The following VAV3 variants were observed in gnomAD, a reference collection of about 807,000 sequenced individuals.
VAV3 encodes the protein vav guanine nucleotide exchange factor 3.
VAV3 carries 94 observed loss-of-function variants against 131.2 expected under a neutral mutation model. The observed-to-expected ratio is 0.72, with a 90% CI of 0.61 to 0.85. The LOEUF is 0.85. VAV3 is among the 40% of genes least tolerant of loss of function. The pLI is 0.00. For missense variants in VAV3, 939 were observed against 1,002.7 expected (o/e 0.94, Z 0.86); for synonymous variants, 349 against 342.0 (o/e 1.02, Z -0.22).
At chr1:107,669,435 G>C in intron 19 of VAV3, 2 of 1,289,458 alleles carry the variant, frequency 1.6e-6, no homozygotes, top group Non-Finnish European at 2.0e-6. Flanking sequence ...TAGTAGCAGG[G>C]GCCATGGAAA....
At chr1:107,834,105 G>T (rs995228664) in intron 2 of VAV3, among the ~76,000 whole-genome samples, 2 of 152,152 alleles carry the variant, frequency 1.3e-5, no homozygotes, top group African/African-American at 4.8e-5. Flanking sequence ...TCAACAATTT[G>T]CTGTAAATAA....
chr1:107,669,555 C>T (rs1173227299), intron 19 of VAV3: 6 of 1,218,424 alleles, frequency 4.9e-6, no homozygotes, highest in Non-Finnish European at 5.2e-6. Flanking sequence ...CTTTGATACT[C>T]GGTAGCTGAT....
At chr1:107,729,266 T>C (rs1662068950) in intron 15 of VAV3, among the ~76,000 whole-genome samples, 1 of 152,194 alleles carries the variant, frequency 6.6e-6, no homozygotes, top group Admixed American at 6.5e-5. Flanking sequence ...ATATTATTAA[T>C]GTACTATCAG....
intron 24 of VAV3, among the ~76,000 whole-genome samples, chr1:107,599,981 A>C (rs1214316824): frequency 6.6e-6 from 1 of 151,936 alleles, no homozygotes; most frequent in Non-Finnish European, 1.5e-5. Flanking sequence ...AAACCTTCAC[A>C]CCAATTAATC....
At chr1:107,904,243 A>G (rs888617766) in intron 1 of VAV3, among the ~76,000 whole-genome samples, 1 of 152,190 alleles carries the variant, frequency 6.6e-6, no homozygotes, top group Non-Finnish European at 1.5e-5. Context: ...ATTTTGTTAA[A>G]GAATGCCATG....
intron 17 of VAV3, among the ~76,000 whole-genome samples, chr1:107,700,673 A>G (rs893093153): frequency 6.6e-5 from 10 of 152,154 alleles, no homozygotes; most frequent in African/African-American, 2.4e-4. Flanking sequence ...TGATATATGT[A>G]CCACATTTTC....
chr1:107,872,342 C>T (rs1473625924), intron 2 of VAV3, among the ~76,000 whole-genome samples: 1 of 152,140 alleles, frequency 6.6e-6, no homozygotes, highest in Non-Finnish European at 1.5e-5. Context: ...TTAATACATT[C>T]TTTGGCAAAA....
At chr1:107,710,330 T>C (rs1294508746) in intron 15 of VAV3, among the ~76,000 whole-genome samples, 1 of 152,152 alleles carries the variant, frequency 6.6e-6, no homozygotes, top group African/African-American at 2.4e-5. Flanking sequence ...GCATTGAAAG[T>C]AAAAGTAGGA....
At chr1:107,876,060 G>A (rs1009380861) in intron 1 of VAV3, among the ~76,000 whole-genome samples, 4 of 152,178 alleles carry the variant, frequency 2.6e-5, no homozygotes, top group Non-Finnish European at 5.9e-5. Context: ...CAGGAAAAGA[G>A]GAGGAGCTCA....
At chr1:107,726,594 C>T (rs1661857093) in intron 15 of VAV3, among the ~76,000 whole-genome samples, 1 of 152,200 alleles carries the variant, frequency 6.6e-6, no homozygotes, top group Non-Finnish European at 1.5e-5. Flanking sequence ...CTCTGGATCA[C>T]ACACTTTCTG....
At chr1:107,877,006 C>T (rs1670534328) in intron 1 of VAV3, among the ~76,000 whole-genome samples, 1 of 151,858 alleles carries the variant, frequency 6.6e-6, no homozygotes, top group African/African-American at 2.4e-5. Context: ...ACATTTGAAA[C>T]ATTTGGATTA....
intron 2 of VAV3, among the ~76,000 whole-genome samples, chr1:107,848,312 CAAAAAAA>C (rs34249858): frequency 2.2e-5 from 2 of 92,174 alleles, no homozygotes; most frequent in East Asian, 4.1e-4. Context: ...GACTCCGTCT[CAAAAAAA>C]AAAAAAAAAA....
At chr1:107,827,516 C>G (rs1048419285) in intron 2 of VAV3, among the ~76,000 whole-genome samples, 1 of 152,084 alleles carries the variant, frequency 6.6e-6, no homozygotes, top group African/African-American at 2.4e-5. Context: ...TTGATTGATA[C>G]AAGGAGAGAA....
In VAV3 at chr1:107,860,354, T is replaced by C. The variant is rs60440691; in HGVS notation, c.321+14547A>G. ...ATAGTAGATATATGAGCGGTGATTG[T>C]AGTAGTTTTCTAGGTTTTATATGTT... On this transcript the variant is annotated intron_variant, in intron 2 of 26. Transcript: ENST00000370056. 1.5e-3 allele frequency among the ~76,000 whole-genome samples: 229 copies of C among 151,980 alleles called. 2 individuals carry two copies. Among genetic ancestry groups the C allele is most frequent in the African/African-American group, 5.1e-3 (210 of 41,516 alleles).
intron 20 of VAV3, among the ~76,000 whole-genome samples, chr1:107,625,751 A>G (rs1653969253): frequency 6.6e-6 from 1 of 152,208 alleles, no homozygotes; most frequent in African/African-American, 2.4e-5. Flanking sequence ...AATTCAATAT[A>G]TGCTATAATT....
At chr1:107,916,901 G>T (rs2101136279) in intron 1 of VAV3, among the ~76,000 whole-genome samples, 1 of 152,304 alleles carries the variant, frequency 6.6e-6, no homozygotes, top group Admixed American at 6.5e-5. Flanking sequence ...GGGAAAACTA[G>T]ACACAAAGGA....
chr1:107,662,211 CACG>C, intron 19 of VAV3, among the ~76,000 whole-genome samples: 1 of 152,248 alleles, frequency 6.6e-6, no homozygotes, highest in African/African-American at 2.4e-5. Context: ...TATATCCCCA[CACG>C]ACATGAATAC....
chr1:107,661,108 G>C (rs933202518), intron 19 of VAV3, among the ~76,000 whole-genome samples: 1 of 152,074 alleles, frequency 6.6e-6, no homozygotes, highest in Non-Finnish European at 1.5e-5. Flanking sequence ...AAAATTATGA[G>C]AACTTTTTTC....
At chr1:107,813,042 G>A (rs988436282) in intron 2 of VAV3, among the ~76,000 whole-genome samples, 11 of 150,712 alleles carry the variant, frequency 7.3e-5, no homozygotes, top group Admixed American at 3.3e-4. Context: ...AGAATGGCAT[G>A]AACCCAGGAG....
Sources: allele counts gnomAD v4.1 joint callset (sites outside exome capture counted in the v4.1 genomes callset), GRCh38; gene constraint gnomAD v4.1.1; transcripts MANE v1.5; gene names NCBI Gene and HGNC (gene_info 2026-07-23, HGNC 2026-07-21).